The following TMCC1 variants were observed in gnomAD, a reference collection of about 807,000 sequenced individuals.
TMCC1 encodes transmembrane and coiled-coil domains protein 1.
Under a neutral mutation model 52.4 loss-of-function variants are expected in TMCC1, and 15 were observed. The observed-to-expected ratio is 0.29, with a 90% CI of 0.19 to 0.44. The LOEUF (loss-of-function observed/expected upper bound fraction) is 0.44, where lower values mean the gene tolerates loss of function less well. Among genes scored for constraint, TMCC1 ranks in the 20% least tolerant of loss-of-function variants. The pLI is 1.00. For synonymous variants in TMCC1, 279 were observed against 301.9 expected (o/e 0.92, Z 0.79); for missense variants, 503 against 806.0 (o/e 0.62, Z 4.55).
chr3:129,741,461 T>C (rs1461178800), intron 4 of TMCC1, among the ~76,000 whole-genome samples: 1 of 152,182 alleles, frequency 6.6e-6, no homozygotes. Flanking sequence ...AAAGGCAAGC[T>C]ACCATTCAGA....
At position 129,707,174 on chromosome 3, in the gene TMCC1, C is replaced by T. The variant is rs1442095605; in HGVS notation, c.577-35910G>A. Among the ~76,000 whole-genome samples, 3 of 152,156 alleles carry T rather than the reference C, an allele frequency of 2.0e-5. No homozygotes were observed. In the East Asian group the frequency reaches 5.8e-4, roughly 29 times the overall value. Reference sequence around the variant, plus strand: ...GTGAACTCCTTCAGGGAGCTCATGGCCCTATATTCACTTCTAGTTCTCCAG... The same window carrying T: ...GTGAACTCCTTCAGGGAGCTCATGGTCCTATATTCACTTCTAGTTCTCCAG... On this transcript the variant is annotated intron_variant, in intron 4 of 6. Transcript: ENST00000393238.
intron 4 of TMCC1, among the ~76,000 whole-genome samples, chr3:129,729,449 G>C (rs2050371254): frequency 1.3e-5 from 2 of 152,018 alleles, no homozygotes; most frequent in African/African-American, 4.8e-5. Context: ...TATTATATAG[G>C]GTTTAAAAAT....
chr3:129,710,301 T>C (rs1159985229), intron 4 of TMCC1, among the ~76,000 whole-genome samples: 2 of 152,208 alleles, frequency 1.3e-5, no homozygotes, highest in Non-Finnish European at 2.9e-5. Flanking sequence ...AAGGCAGCAA[T>C]TATTCCATTT....
chr3:129,830,733 G>C (rs1018136634), intron 3 of TMCC1, among the ~76,000 whole-genome samples: 1 of 152,148 alleles, frequency 6.6e-6, no homozygotes, highest in South Asian at 2.1e-4. Context: ...ATGATGTCAA[G>C]GTTAGCTGAG....
At chr3:129,716,501 ATTTTTTT>A (rs563370963) in intron 4 of TMCC1, among the ~76,000 whole-genome samples, 1 of 124,862 alleles carries the variant, frequency 8.0e-6, no homozygotes, top group Non-Finnish European at 1.7e-5. Context: ...CACCCAGCTA[ATTTTTTT>A]TTTTTTTTTT....
chr3:129,661,587 C>T (rs2087031348), intron 5 of TMCC1, among the ~76,000 whole-genome samples: 1 of 151,920 alleles, frequency 6.6e-6, no homozygotes, highest in South Asian at 2.1e-4. Flanking sequence ...ATTGCTTGAC[C>T]CCAGGAGTTT....
intron 2 of TMCC1, among the ~76,000 whole-genome samples, chr3:129,870,274 A>G (rs1472936372): frequency 2.0e-5 from 3 of 152,248 alleles, no homozygotes; most frequent in East Asian, 1.9e-4. Context: ...ATAAGAAACT[A>G]AAGTCATCAA....
chr3:129,681,780 C>T lies in TMCC1; in HGVS notation c.577-10516G>A, dbSNP rs566745967. 1.4e-3 allele frequency among the ~76,000 whole-genome samples: 218 copies of T among 151,934 alleles called. 1 individual carries two copies. The highest frequency in any genetic ancestry group is 4.9e-3 in the African/African-American group (205 of 41,420). ...AAAATTAGCCAGGCATGGTGGTGCA[C>T]ACCTGTAATCCCAGCTACTTGGGAG... On this transcript the variant is annotated intron_variant, in intron 4 of 6. Transcript: ENST00000393238.
chr3:129,865,354 T>C (rs2060576323), intron 2 of TMCC1, among the ~76,000 whole-genome samples: 1 of 152,044 alleles, frequency 6.6e-6, no homozygotes, highest in South Asian at 2.1e-4. Context: ...TTTTGCCATG[T>C]TGCCCAGGCT....
chr3:129,685,824 ATCT>A (rs1472197329), intron 4 of TMCC1, among the ~76,000 whole-genome samples: 1 of 152,194 alleles, frequency 6.6e-6, no homozygotes, highest in Non-Finnish European at 1.5e-5. Context: ...TCTAAATCAG[ATCT>A]TCTTACACTG....
chr3:129,829,315 T>C (rs1247036038), intron 3 of TMCC1, among the ~76,000 whole-genome samples: 1 of 151,902 alleles, frequency 6.6e-6, no homozygotes, highest in Non-Finnish European at 1.5e-5. Context: ...GCAAAGTAAC[T>C]GGGTAGGATA....
chr3:129,699,563 G>A (rs561217145), intron 4 of TMCC1, among the ~76,000 whole-genome samples: 64 of 151,968 alleles, frequency 4.2e-4, no homozygotes, highest in African/African-American at 1.5e-3. Flanking sequence ...TCTATGGAGC[G>A]GCTATTCTTT....
chr3:129,748,011 A>AT, intron 4 of TMCC1, among the ~76,000 whole-genome samples: 1 of 152,358 alleles, frequency 6.6e-6, no homozygotes, highest in South Asian at 2.1e-4. Context: ...TTCACACAGG[A>AT]TAAGACTTAG....
intron 4 of TMCC1, among the ~76,000 whole-genome samples, chr3:129,704,665 C>T (rs1231463012): frequency 1.3e-5 from 2 of 152,162 alleles, no homozygotes; most frequent in African/African-American, 4.8e-5. Context: ...GTGATCCTCC[C>T]ACCTCGGCCT....
intron 1 of TMCC1, among the ~76,000 whole-genome samples, chr3:129,891,698 T>C (rs2061969525): frequency 6.6e-6 from 1 of 152,224 alleles, no homozygotes; most frequent in South Asian, 2.1e-4. Context: ...TTGTCTGTTT[T>C]GTCCCAACAA....
intron 4 of TMCC1, among the ~76,000 whole-genome samples, chr3:129,715,027 T>C (rs182199940): frequency 9.9e-4 from 151 of 152,324 alleles, no homozygotes; most frequent in African/African-American, 3.4e-3. Context: ...GTCCTAAGTA[T>C]ATCTGCCCAG....
chr3:129,814,716 T>C (rs1337708839), intron 4 of TMCC1, among the ~76,000 whole-genome samples: 1 of 152,130 alleles, frequency 6.6e-6, no homozygotes, highest in Non-Finnish European at 1.5e-5. Flanking sequence ...AAATATAGTC[T>C]ATGCAACTGG....
intron 1 of TMCC1, among the ~76,000 whole-genome samples, chr3:129,890,143 T>G (rs1231773726): frequency 6.6e-6 from 1 of 151,770 alleles, no homozygotes; most frequent in Non-Finnish European, 1.5e-5. Flanking sequence ...AAAAGAAAAA[T>G]AAAAACATTC....
chr3:129,680,098 T>A (rs1406845159), intron 4 of TMCC1, among the ~76,000 whole-genome samples: 1 of 152,234 alleles, frequency 6.6e-6, no homozygotes, highest in Non-Finnish European at 1.5e-5. Context: ...TCATTTATAC[T>A]CTTGCATGAA....
Sources: gnomAD v4.1 joint callset for allele counts (sites outside exome capture counted in the v4.1 genomes callset) on GRCh38, gnomAD v4.1.1 for gene constraint, MANE v1.5 for transcripts, NCBI Gene and HGNC (gene_info 2026-07-23, HGNC 2026-07-21) for gene names.